The following IL16 variants were observed in gnomAD, a reference collection of about 807,000 sequenced individuals.
IL16 encodes pro-interleukin-16.
Under a neutral mutation model 110.1 loss-of-function variants are expected in IL16, and 67 were observed. That is an observed-to-expected ratio of 0.61 (90% confidence interval 0.50 to 0.75). The LOEUF (loss-of-function observed/expected upper bound fraction) is 0.75. IL16 is among the 30% of genes least tolerant of loss of function. The probability of loss-of-function intolerance (pLI) is 0.00; values close to 1 mark genes in which losing one functional copy is unlikely to be tolerated. For missense variants in IL16, 1,545 were observed against 1,655.0 expected (o/e 0.93, Z 1.15); for synonymous variants, 689 against 662.9 (o/e 1.04, Z -0.61).
Position 81,293,036 on chromosome 15 carries a change from A to C in IL16, c.1901A>C (p.Gln634Pro). ...GGGCACACCCCACCCACCTGTGGCC[A>C]GGTAAGAGGATGGGTCCACAGGTTG... Reference protein sequence around the residue: ...SSGHTPPTCGQEARELLPLLL... With the variant: ...SSGHTPPTCGPEARELLPLLL... The change falls in exon 12 of 19, where the codon CAG becomes CCG. Residue 634 changes from glutamine (Q) to proline (P), a missense_variant and splice_region_variant. Coordinates refer to ENST00000683961, the MANE Select transcript of IL16 (RefSeq NM_172217.5). 1 of 1,602,638 alleles carries C rather than the reference A, an allele frequency of 6.2e-7. No homozygotes were observed. Among genetic ancestry groups the C allele is most frequent in the South Asian group, 1.1e-5 (1 of 90,964 alleles).
intron 6 of IL16, among the ~76,000 whole-genome samples, chr15:81,274,285 A>G (rs904141926): frequency 2.0e-5 from 3 of 152,228 alleles, no homozygotes; most frequent in African/African-American, 7.2e-5. Context: ...ACATTTCTAA[A>G]TGGTTGAAAA....
intron 1 of IL16, among the ~76,000 whole-genome samples, chr15:81,219,735 T>G (rs1483906620): frequency 1.3e-5 from 2 of 152,186 alleles, no homozygotes; most frequent in South Asian, 2.1e-4. Context: ...CACTCTGATG[T>G]TGGTTGGTTA....
chr15:81,197,123 A>G lies in IL16; in HGVS notation c.-131A>G, dbSNP rs967514154. The G allele has an allele frequency of 5.4e-6, 7 of 1,288,570 alleles. No homozygotes were observed. The African/African-American group carries it at 7.6e-5, about 14-fold the overall frequency. 79.8% of individuals were successfully genotyped at this position (1,288,570 alleles called of 1,614,324 possible). The stretch of plus-strand genomic sequence containing the variant: ...GCAAGGGAGATGGCAGCCCCGGGGG[A>G]CTGTGCATAGGGAGGTAGGTGGGCA... On this transcript the variant is annotated 5_prime_UTR_variant, in exon 1 of 19. Transcript: ENST00000683961.
At chr15:81,280,861 T>C (rs543804783) in intron 8 of IL16, among the ~76,000 whole-genome samples, 1 of 152,184 alleles carries the variant, frequency 6.6e-6, no homozygotes, top group East Asian at 1.9e-4. Flanking sequence ...GCTCCCGCAG[T>C]GCATTTGCTG....
chr15:81,214,034 T>G (rs1896340972), intron 1 of IL16, among the ~76,000 whole-genome samples: 1 of 151,238 alleles, frequency 6.6e-6, no homozygotes, highest in South Asian at 2.1e-4. Flanking sequence ...GTTTTTTTTT[T>G]GTTTGTTTGT....
At chr15:81,223,286 C>A (rs903187669) in intron 1 of IL16, among the ~76,000 whole-genome samples, 1 of 152,066 alleles carries the variant, frequency 6.6e-6, no homozygotes, top group Non-Finnish European at 1.5e-5. Context: ...AAGTGCAGAA[C>A]ATTTTCTCAA....
rs766956322 is a variant in IL16, at chr15:81,306,373, C to T, written c.3680-47C>T. The stretch of plus-strand genomic sequence containing the variant: ...CACTTGAAGCCCAGGGCATCTGTGG[C>T]CTGGGAGAGGAGAGGATCCCTAACA... On this transcript the variant is annotated intron_variant, in intron 17 of 18. Transcript: ENST00000683961. The T allele has an allele frequency of 5.6e-6, 9 of 1,606,274 alleles. No homozygotes were observed. The Admixed American group carries it at 1.3e-4, about 24-fold the overall frequency.
chr15:81,218,105 A>G (rs757923674), intron 1 of IL16, among the ~76,000 whole-genome samples: 3 of 152,176 alleles, frequency 2.0e-5, no homozygotes, highest in South Asian at 2.1e-4. Context: ...CAGAGGTTAC[A>G]TGATTGAAAA....
At chr15:81,245,724 C>CTTTTTTTTTTTTTTTTGTTTTTTTT (rs1897518952) in intron 2 of IL16, among the ~76,000 whole-genome samples, 1 of 61,282 alleles carries the variant, frequency 1.6e-5, no homozygotes, top group African/African-American at 6.8e-5. Context: ...TTTGTTTTGG[C>CTTTTTTTTTTTTTTTTGTTTTTTTT]TTTTTTTTTT....
At chr15:81,219,619 C>G (rs942130022) in intron 1 of IL16, among the ~76,000 whole-genome samples, 15 of 152,146 alleles carry the variant, frequency 9.9e-5, no homozygotes, top group Admixed American at 9.2e-4. Context: ...CTGTGAGGGG[C>G]TTCTCCAGGA....
chr15:81,252,900 A>G (rs763794160), intron 2 of IL16, among the ~76,000 whole-genome samples: 10 of 152,126 alleles, frequency 6.6e-5, no homozygotes, highest in African/African-American at 1.7e-4. Flanking sequence ...GGTTGTTTCT[A>G]TGTTCTGGAT....
At chr15:81,225,177 A>T (rs1224426656) in intron 1 of IL16, 122 bp from the exon 2 acceptor site, 42 of 749,384 alleles carry the variant, frequency 5.6e-5, no homozygotes, top group Non-Finnish European at 8.3e-5. Flanking sequence ...TTAAAGGATG[A>T]TCTGCCCATC....
At chr15:81,241,968 T>C (rs1193847570) in intron 2 of IL16, among the ~76,000 whole-genome samples, 2 of 151,944 alleles carry the variant, frequency 1.3e-5, no homozygotes, top group Middle Eastern at 3.2e-3. Flanking sequence ...TTTTTTTTTT[T>C]TCTCTCCTGT....
intron 18 of IL16, chr15:81,306,807 G>A (rs1034126227): frequency 2.0e-6 from 1 of 499,438 alleles, no homozygotes; most frequent in Non-Finnish European, 3.7e-6. Context: ...GGCAGGGCCA[G>A]GACTCTAGAG....
intron 1 of IL16, among the ~76,000 whole-genome samples, chr15:81,191,669 G>A (rs1895499526): frequency 6.6e-6 from 1 of 152,176 alleles, no homozygotes; most frequent in South Asian, 2.1e-4. Context: ...GTGAGTGCCT[G>A]GTTTAGGTTG....
intron 2 of IL16, among the ~76,000 whole-genome samples, chr15:81,255,892 T>A (rs1897928784): frequency 6.6e-6 from 1 of 152,198 alleles, no homozygotes. Context: ...AAAAGAAAGA[T>A]GTTTAAAAAT....
At chr15:81,222,090 T>C (rs1176142113) in intron 1 of IL16, among the ~76,000 whole-genome samples, 1 of 152,014 alleles carries the variant, frequency 6.6e-6, no homozygotes, top group Non-Finnish European at 1.5e-5. Flanking sequence ...TTATTGTACA[T>C]TGGAAGAGGA....
rs1048917006 is a variant in IL16, at chr15:81,312,537, T to C, written c.*3739T>C. 3 of 152,240 alleles carry C rather than the reference T, an allele frequency of 2.0e-5. No individual in the cohort carries two copies. The highest frequency in any genetic ancestry group is 7.2e-5 in the African/African-American group (3 of 41,460). 9.4% of individuals were successfully genotyped at this position (152,240 alleles called of 1,614,324 possible). ...TCAGTTCAGAATCACTTCTGAGAAC[T>C]CATCCCTAATGCTGCAGATTTGGGC... On this transcript the variant is annotated 3_prime_UTR_variant, in exon 19 of 19. Transcript: ENST00000683961.
chr15:81,195,515 C>G (rs572138927), upstream of IL16, among the ~76,000 whole-genome samples: 4 of 152,290 alleles, frequency 2.6e-5, no homozygotes, highest in Admixed American at 1.3e-4. Context: ...CTACAATGTC[C>G]CCTGTGCCTG....
Sources: gnomAD v4.1 joint callset for allele counts (sites outside exome capture counted in the v4.1 genomes callset) on GRCh38, gnomAD v4.1.1 for gene constraint, MANE v1.5 for transcripts, NCBI Gene and HGNC (gene_info 2026-07-23, HGNC 2026-07-21) for gene names.